PTPRF: variants seen among roughly 807,000 people sequenced by gnomAD.
PTPRF encodes protein tyrosine phosphatase receptor type F.
PTPRF carries 59 observed loss-of-function variants against 201.8 expected under a neutral mutation model. That is an observed-to-expected ratio of 0.29 (90% CI 0.24 to 0.36). PTPRF has a LOEUF of 0.36. Ranked by LOEUF, PTPRF falls within the 10% of genes least tolerant of loss-of-function variation. The pLI is 1.00. For synonymous variants in PTPRF, 1,088 were observed against 1,089.7 expected, an observed-to-expected ratio of 1.00 and a Z score of 0.03; for missense variants, 2,132 against 2,690.5, an observed-to-expected ratio of 0.79 and a Z score of 4.59.
intron 19 of PTPRF, among the ~76,000 whole-genome samples, chr1:43,605,908 G>A (rs191912358): frequency 6.6e-6 from 1 of 152,206 alleles, no homozygotes; most frequent in Non-Finnish European, 1.5e-5. Context: ...GCAGAGCCTC[G>A]CAGATCTAGA....
chr1:43,567,211 C>T (rs1366638072), intron 5 of PTPRF, among the ~76,000 whole-genome samples: 1 of 152,066 alleles, frequency 6.6e-6, no homozygotes, highest in African/African-American at 2.4e-5. Context: ...CCCCGAGTGT[C>T]CCCAGGTGTT....
chr1:43,559,692 G>A (rs888610927), intron 5 of PTPRF, among the ~76,000 whole-genome samples: 3 of 149,982 alleles, frequency 2.0e-5, no homozygotes, highest in African/African-American at 7.4e-5. Flanking sequence ...TACTTTGTGT[G>A]GTGTACAGCA....
intron 29 of PTPRF, 112 bp downstream of exon 29, chr1:43,619,970 G>C: frequency 4.5e-6 from 7 of 1,562,658 alleles, no homozygotes; most frequent in Non-Finnish European, 6.1e-6. Flanking sequence ...AGAGGGCTGG[G>C]TAGAGCAGTG....
chr1:43,618,337 T>G (rs1658371231), intron 25 of PTPRF, among the ~76,000 whole-genome samples: 1 of 152,154 alleles, frequency 6.6e-6, no homozygotes. Flanking sequence ...AGCTTGAAAA[T>G]GGCACATAAA....
intron 5 of PTPRF, among the ~76,000 whole-genome samples, chr1:43,558,668 C>A (rs1293565125): frequency 6.6e-6 from 1 of 152,190 alleles, no homozygotes; most frequent in South Asian, 2.1e-4. Flanking sequence ...ACTCTTGAGG[C>A]GGCGGCTGAA....
chr1:43,558,480 G>A (rs537485157), intron 5 of PTPRF, among the ~76,000 whole-genome samples: 1 of 152,160 alleles, frequency 6.6e-6, no homozygotes, highest in East Asian at 1.9e-4. Flanking sequence ...TGACACCCCC[G>A]CCAGGACTGC....
At position 43,569,618 on chromosome 1, in the gene PTPRF, C is replaced by T. The variant is rs752550500; in HGVS notation, c.408C>T (p.Ser136=). 14 of 1,610,420 alleles carry T rather than the reference C, an allele frequency of 8.7e-6. No homozygotes were observed. The South Asian group carries it at 1.2e-4, about 14-fold the overall frequency. Residue 136 remains serine, a synonymous_variant, in exon 6 of 34, where the codon TCC becomes TCT. Transcript: ENST00000359947. ...AACAGCTGCCCCCTGGGTTCCCTTC[C>T]ATCGACATGGGGCCTCAGCTGAAGG... The part of the protein sequence containing the change: ...EEEQLPPGFP[S]IDMGPQLKVV...
rs537921473 is a variant in PTPRF at position 43,568,994 on chromosome 1, A to C, written c.380-596A>C. ...CTCAAGGTCAAGGCTGCAGTAACGA[A>C]TAGGTCAAGGTCAGGATCGGAGTTA... On this transcript the variant is annotated intron_variant, in intron 5 of 33. Transcript: ENST00000359947. Among the ~76,000 whole-genome samples, 14 of 152,310 alleles carry C rather than the reference A, an allele frequency of 9.2e-5. No homozygotes were observed. The East Asian group carries it at 2.7e-3, about 29-fold the overall frequency.
rs1243776230 is a variant in PTPRF at position 43,621,317 on chromosome 1, AGGCATGT to A, written c.5655+87_5655+93del. 10 of 1,520,512 alleles carry A rather than the reference AGGCATGT, an allele frequency of 6.6e-6. No homozygotes were observed. The Admixed American group carries it at 7.7e-5, about 12-fold the overall frequency. 94.2% of individuals were successfully genotyped at this position (1,520,512 alleles called of 1,614,324 possible). A position where few individuals can be genotyped will look rare whatever the true frequency, so the allele number is the denominator to read the frequency against. On this transcript the variant is annotated intron_variant, in intron 33 of 33. Transcript: ENST00000359947. ...GCTTTAGCAACAGTTTGATGCCCAC[AGGCATGT>A]GCATTCATTCATGCTGCCAACCTTT...
At chr1:43,572,206 G>A (rs967745826) in intron 6 of PTPRF, among the ~76,000 whole-genome samples, 1 of 152,224 alleles carries the variant, frequency 6.6e-6, no homozygotes, top group Non-Finnish European at 1.5e-5. Context: ...GGCCTTGCAG[G>A]GAGGGCCTGG....
upstream of PTPRF, among the ~76,000 whole-genome samples, chr1:43,527,433 A>G (rs1643165977): frequency 6.6e-6 from 1 of 152,182 alleles, no homozygotes; most frequent in African/African-American, 2.4e-5. Context: ...CTAGGCCTCT[A>G]GTTTCATTAC....
At chr1:43,544,654 T>A (rs1383060501) in intron 2 of PTPRF, among the ~76,000 whole-genome samples, 1 of 152,328 alleles carries the variant, frequency 6.6e-6, no homozygotes, top group East Asian at 1.9e-4. Context: ...TCTCTGACCC[T>A]GTTTCCCTGT....
chr1:43,544,635 G>T (rs918216797), intron 2 of PTPRF, among the ~76,000 whole-genome samples: 2 of 152,196 alleles, frequency 1.3e-5, no homozygotes, highest in African/African-American at 4.8e-5. Context: ...TCTGTCCCAC[G>T]TAAGCGTCTC....
intron 5 of PTPRF, among the ~76,000 whole-genome samples, chr1:43,565,798 G>C (rs1487217172): frequency 6.6e-6 from 1 of 152,214 alleles, no homozygotes; most frequent in African/African-American, 2.4e-5. Flanking sequence ...GCTCCACCCA[G>C]GCGGGGGCGG....
Position 43,605,312 on chromosome 1 carries a change from C to T in PTPRF, c.3258C>T (p.Gly1086=), listed in dbSNP as rs930897990. Residue 1086 remains glycine (G), a synonymous_variant, in exon 18 of 34, where the codon GGC becomes GGT. Coordinates refer to ENST00000359947, the MANE Select transcript of PTPRF (RefSeq NM_002840.5). ...VLMNRGSSAG[G]LQHLVSIRTA... is the part of the protein sequence containing the mutation. Reference sequence around the variant, plus strand: ...TGAACCGTGGCAGCAGCGCAGGGGGCCTGCAGCACCTGGTGTCCATCCGCA... The same window carrying T: ...TGAACCGTGGCAGCAGCGCAGGGGGTCTGCAGCACCTGGTGTCCATCCGCA... 5.6e-6 allele frequency: 9 copies of T among 1,613,334 alleles called. No individual in the cohort carries two copies. The African/African-American group carries it at 1.1e-4, about 19-fold the overall frequency.
chr1:43,590,123 CTTTCCG>C (rs1443061059), intron 8 of PTPRF, among the ~76,000 whole-genome samples: 1 of 152,174 alleles, frequency 6.6e-6, no homozygotes, highest in East Asian at 1.9e-4. Context: ...ACACATGCTG[CTTTCCG>C]TTTGCCGTGC....
In PTPRF at chr1:43,546,997, T is replaced by G. The variant is rs1022266836; in HGVS notation, c.91+1831T>G. 1.3e-5 allele frequency among the ~76,000 whole-genome samples: 2 copies of G among 152,194 alleles called. No homozygotes were observed. Among genetic ancestry groups the G allele is most frequent in the African/African-American group, 4.8e-5 (2 of 41,446 alleles). On this transcript the variant is annotated intron_variant, in intron 3 of 33. Transcript: ENST00000359947. This position sits in a 1 kb window ranked among gnomAD's most constrained non-coding sequence, Gnocchi z 4.2. ...CCTGACGGTTTCCCTGCCTCCAGTC[T>G]TTTCCTTCCTAATCCATTCTGCATT...
chr1:43,565,537 T>G (rs899393104), intron 5 of PTPRF, among the ~76,000 whole-genome samples: 2 of 151,974 alleles, frequency 1.3e-5, no homozygotes, highest in East Asian at 1.9e-4. Context: ...GGCTCTTGGG[T>G]ACCTCTGAAG....
chr1:43,600,624 T>C (rs1476521748), intron 13 of PTPRF, among the ~76,000 whole-genome samples: 5 of 152,052 alleles, frequency 3.3e-5, no homozygotes, highest in Non-Finnish European at 5.9e-5. Flanking sequence ...TCCCCCATCA[T>C]GCCTGAAGGA....
Sources: gnomAD v4.1 joint callset for allele counts (sites outside exome capture counted in the v4.1 genomes callset) on GRCh38, gnomAD v4.1.1 for gene constraint, Gnocchi (gnomAD v3.1) non-coding constraint, MANE v1.5 for transcripts, NCBI Gene and HGNC (gene_info 2026-07-23, HGNC 2026-07-21) for gene names.